COP1: variants seen among roughly 807,000 people sequenced by gnomAD.
The protein encoded by COP1 is E3 ubiquitin-protein ligase COP1.
A neutral mutation model predicts 101.3 loss-of-function variants in COP1; 24 were observed. That is an observed-to-expected ratio of 0.24 (90% CI 0.17 to 0.33). COP1 has a LOEUF of 0.33. Ranked by LOEUF, COP1 falls within the 10% of genes least tolerant of loss-of-function variation. The pLI, the probability that COP1 is intolerant of heterozygous loss-of-function variation, is 1.00. For synonymous variants in COP1, 347 were observed against 341.9 expected (o/e 1.01, Z -0.17); for missense variants, 663 against 906.2 (o/e 0.73, Z 3.45).
chr1:176,086,319 A>G (rs1680157225), intron 9 of COP1, among the ~76,000 whole-genome samples: 1 of 144,826 alleles, frequency 6.9e-6, no homozygotes, highest in Non-Finnish European at 1.5e-5. Context: ...TCTACCTCCC[A>G]GTTTCTCGAC....
chr1:175,987,154 A>G, intron 17 of COP1, 51 bp from the exon 18 acceptor site: 1 of 978,514 alleles, frequency 1.0e-6, no homozygotes, highest in Non-Finnish European at 1.5e-6. Flanking sequence ...ACTCGGAATT[A>G]GGACATCACA....
At chr1:175,993,563 C>T (rs1465960710) in intron 15 of COP1, among the ~76,000 whole-genome samples, 2 of 152,138 alleles carry the variant, frequency 1.3e-5, no homozygotes, top group Non-Finnish European at 2.9e-5. Flanking sequence ...GCTGATGGAG[C>T]TGAAAGCCAA....
At chr1:176,056,526 G>GTT (rs1320843063) in intron 11 of COP1, among the ~76,000 whole-genome samples, 1 of 152,126 alleles carries the variant, frequency 6.6e-6, no homozygotes. Context: ...GTGTGTGTGT[G>GTT]TAAGACAAAG....
At chr1:176,101,203 C>T (rs1683345127) in intron 9 of COP1, among the ~76,000 whole-genome samples, 1 of 152,032 alleles carries the variant, frequency 6.6e-6, no homozygotes, top group African/African-American at 2.4e-5. Context: ...GGGTGGCACC[C>T]TATCGTGGCT....
chr1:176,170,069 T>C (rs1035916893), intron 3 of COP1, among the ~76,000 whole-genome samples: 1 of 152,250 alleles, frequency 6.6e-6, no homozygotes, highest in Non-Finnish European at 1.5e-5. Context: ...ATCAGGATAG[T>C]ACAGGAAAAT....
At chr1:176,014,681 C>CT (rs1665306428) in intron 15 of COP1, among the ~76,000 whole-genome samples, 1 of 152,060 alleles carries the variant, frequency 6.6e-6, no homozygotes, top group African/African-American at 2.4e-5. Flanking sequence ...AATCAAAACT[C>CT]TATGTTGGCT....
intron 14 of COP1, among the ~76,000 whole-genome samples, chr1:176,041,052 T>C (rs539266120): frequency 1.3e-5 from 2 of 152,304 alleles, no homozygotes; most frequent in African/African-American, 4.8e-5. Flanking sequence ...GTCAATTAAA[T>C]TGGCAAAAAG....
At chr1:176,058,654 A>G (rs1361943073) in intron 11 of COP1, among the ~76,000 whole-genome samples, 2 of 152,012 alleles carry the variant, frequency 1.3e-5, no homozygotes, top group Non-Finnish European at 1.5e-5. Context: ...TAGGAAAACC[A>G]GAGACCTTTG....
intron 8 of COP1, among the ~76,000 whole-genome samples, chr1:176,120,351 C>G (rs1473018547): frequency 6.7e-6 from 1 of 149,406 alleles, no homozygotes; most frequent in East Asian, 2.0e-4. Context: ...ACCCAGGAGG[C>G]GGAGGTTGCA....
At chr1:175,982,192 CAA>C (rs1403023772) in intron 18 of COP1, among the ~76,000 whole-genome samples, 1 of 152,066 alleles carries the variant, frequency 6.6e-6, no homozygotes, top group Non-Finnish European at 1.5e-5. Flanking sequence ...ACTTCAATTT[CAA>C]AAGAGTTAAA....
chr1:176,185,482 C>A (rs770047100), intron 1 of COP1, among the ~76,000 whole-genome samples: 9 of 152,158 alleles, frequency 5.9e-5, no homozygotes, highest in Non-Finnish European at 1.2e-4. Context: ...AAATCCCAGC[C>A]TTTTTTGTAC....
chr1:176,057,311 ACCTCTCCCTCTC>A (rs370930578), intron 11 of COP1, among the ~76,000 whole-genome samples: 1 of 151,732 alleles, frequency 6.6e-6, no homozygotes, highest in African/African-American at 2.4e-5. Context: ...CAAGAATGTG[ACCTCTCCCTCTC>A]CCTCTCCCTC....
At chr1:176,099,495 G>C (rs1296538202) in intron 9 of COP1, among the ~76,000 whole-genome samples, 9 of 137,328 alleles carry the variant, frequency 6.6e-5, no homozygotes, top group Non-Finnish European at 1.4e-4. Context: ...AAAAAATTTG[G>C]AGCATATTTG....
intron 7 of COP1, among the ~76,000 whole-genome samples, chr1:176,135,314 G>A (rs1553281246): frequency 6.6e-6 from 1 of 151,796 alleles, no homozygotes; most frequent in Non-Finnish European, 1.5e-5. Context: ...ACTATAAATT[G>A]TTTACTAAAT....
chr1:175,991,197 T>C (rs913866439), intron 15 of COP1, among the ~76,000 whole-genome samples: 4 of 152,134 alleles, frequency 2.6e-5, no homozygotes, highest in Non-Finnish European at 5.9e-5. Flanking sequence ...GAGCATACAG[T>C]GTACTTTCAC....
At chr1:176,008,077 G>T (rs567227995) in intron 15 of COP1, among the ~76,000 whole-genome samples, 3 of 152,190 alleles carry the variant, frequency 2.0e-5, no homozygotes, top group African/African-American at 7.2e-5. Flanking sequence ...TCGGAAAAGC[G>T]CAGTATTTGG....
At chr1:176,048,155 G>C (rs1671833295) in intron 11 of COP1, among the ~76,000 whole-genome samples, 1 of 148,738 alleles carries the variant, frequency 6.7e-6, no homozygotes, top group Admixed American at 6.7e-5. Flanking sequence ...AGCTTTAAAT[G>C]CTTCCTTAAT....
chr1:176,064,630 G>T (rs796475971), intron 11 of COP1, among the ~76,000 whole-genome samples: 1 of 151,988 alleles, frequency 6.6e-6, no homozygotes. Context: ...AGCTCCATCC[G>T]CAGTGTTACG....
Position 176,057,052 on chromosome 1 carries a change from TTAAC to T in COP1, c.1278-10732_1278-10729del, listed in dbSNP as rs533990903. On this transcript the variant is annotated intron_variant, in intron 11 of 19. Coordinates refer to ENST00000367669, the MANE Select transcript of COP1 (RefSeq NM_022457.7). The stretch of plus-strand genomic sequence containing the variant: ...CCTTATGCAAATGAAAATCCTATAA[TTAAC>T]TGAGCATAGAAATGAAATCCATTTT... Among the ~76,000 whole-genome samples the T allele has an allele frequency of 2.2e-3, 340 of 152,272 alleles. 3 individuals carry two copies. The highest frequency in any genetic ancestry group is 7.6e-3 in the African/African-American group (314 of 41,566).
Sources: allele counts gnomAD v4.1 joint callset (sites outside exome capture counted in the v4.1 genomes callset), GRCh38; gene constraint gnomAD v4.1.1; transcripts MANE v1.5; gene names NCBI Gene and HGNC (gene_info 2026-07-23, HGNC 2026-07-21).